UTY: variants seen among roughly 807,000 people sequenced by gnomAD.
The protein encoded by UTY is ubiquitously transcribed tetratricopeptide repeat containing, Y-linked.
Under a neutral mutation model 32.5 loss-of-function variants are expected in UTY, and 12 were observed. The ratio of observed to expected loss-of-function variants is 0.37; its 90% CI spans 0.24 to 0.60. The LOEUF is 0.60. Ranked by LOEUF, UTY falls within the 20% of genes least tolerant of loss-of-function variation. The pLI is 0.69. For missense variants in UTY, 303 were observed against 299.2 expected (o/e 1.01, Z -0.09); for synonymous variants, 131 against 103.4 (o/e 1.27, Z -1.62).
At chrY:13,281,320 A>G in intron 27 of UTY, among the ~76,000 whole-genome samples, 1 of 34,010 alleles carries the variant, frequency 2.9e-5, no homozygotes, top group Admixed American at 2.7e-4. Flanking sequence ...TGTCATCAGT[A>G]TCACCAGAGA....
In UTY at chrY:13,356,022, G is replaced by A; in HGVS notation, c.1570-4C>T. On this transcript the variant is annotated splice_polypyrimidine_tract_variant and splice_region_variant and intron_variant, in intron 15 of 29. Transcript: ENST00000545955. ...TTGCTCGCAGTTGTTCCAAGTGCTAGAAGAAAAGAGATTAATATAATCAAA... is the reference window on the plus strand; with the variant it reads ...TTGCTCGCAGTTGTTCCAAGTGCTAAAAGAAAAGAGATTAATATAATCAAA... 2.7e-6 allele frequency: 1 copy of A among 365,344 alleles called. No individual in the cohort carries two copies. The highest frequency in any genetic ancestry group is 3.8e-6 in the Non-Finnish European group (1 of 262,746). The allele number at this position is 365,344 out of a possible 400,897, so 91.1% of individuals were successfully genotyped here.
At chrY:13,399,333 C>T (rs924317397) in intron 6 of UTY, among the ~76,000 whole-genome samples, 1 of 33,550 alleles carries the variant, frequency 3.0e-5, no homozygotes, top group Admixed American at 2.7e-4. Context: ...ATAAGATATG[C>T]AGACTTCTAC....
chrY:13,426,333 T>C, intron 4 of UTY, among the ~76,000 whole-genome samples: 1 of 32,285 alleles, frequency 3.1e-5, no homozygotes, highest in South Asian at 6.8e-4. Context: ...GGTGCAAAAA[T>C]AGAGGGCTTA....
Position 13,355,363 on chromosome Y carries a change from A to T in UTY, c.1701T>A (p.Thr567=). The T allele has an allele frequency of 2.5e-6, 1 of 396,768 alleles. No homozygotes were observed. Among genetic ancestry groups the T allele is most frequent in the African/African-American group, 6.4e-5 (1 of 15,644 alleles). The change falls in exon 17 of 30, where the codon ACT becomes ACA. Residue 567 remains threonine, a synonymous_variant. Transcript: ENST00000545955. ...RHKEVAQVRT[T]GIHNGAITDS... is the part of the protein sequence containing the mutation. Reference sequence around the variant, plus strand: ...CAGTTATGGCCCCGTTATGAATTCCAGTAGTTCGTACCTGAGCAACTTCTT... The same window carrying T: ...CAGTTATGGCCCCGTTATGAATTCCTGTAGTTCGTACCTGAGCAACTTCTT...
At chrY:13,386,946 C>T (rs2066896680) in intron 8 of UTY, among the ~76,000 whole-genome samples, 2 of 33,410 alleles carry the variant, frequency 6.0e-5, no homozygotes, top group Non-Finnish European at 1.5e-4. Flanking sequence ...TTGCAGTGAG[C>T]TAAGACTGCG....
At chrY:13,295,641 A>G in intron 27 of UTY, among the ~76,000 whole-genome samples, 1 of 34,029 alleles carries the variant, frequency 2.9e-5, no homozygotes, top group Non-Finnish European at 7.3e-5. Context: ...GTGAACTTGC[A>G]AAATAAAAAA....
chrY:13,359,719 T>C (rs1157299374), intron 12 of UTY, 48 bp downstream of exon 12: 1 of 322,231 alleles, frequency 3.1e-6, no homozygotes, highest in East Asian at 1.0e-4. Flanking sequence ...CTGCCAATTA[T>C]TATAGGAATA....
intron 27 of UTY, among the ~76,000 whole-genome samples, chrY:13,289,166 T>G (rs2148663903): frequency 6.0e-5 from 2 of 33,574 alleles, no homozygotes; most frequent in South Asian, 1.4e-3. Context: ...TATAAATCAC[T>G]ATCAATCTAT....
chrY:13,336,894 G>A (rs2061132875), intron 17 of UTY, among the ~76,000 whole-genome samples: 1 of 33,191 alleles, frequency 3.0e-5, no homozygotes, highest in Non-Finnish European at 7.5e-5. Context: ...AATTTCCTAT[G>A]GGCCAAGTTA....
At chrY:13,458,908 T>C in intron 3 of UTY, among the ~76,000 whole-genome samples, 1 of 32,148 alleles carries the variant, frequency 3.1e-5, no homozygotes, top group Non-Finnish European at 7.5e-5. Flanking sequence ...CAGCAAACTA[T>C]CGCAAGGACA....
At chrY:13,237,311 G>A (rs2053860284) in intron 28 of UTY, among the ~76,000 whole-genome samples, 2 of 33,742 alleles carry the variant, frequency 5.9e-5, no homozygotes, top group African/African-American at 1.2e-4. Context: ...GGCCGACTAG[G>A]GGCATTTGCT....
At chrY:13,448,382 T>C in intron 4 of UTY, among the ~76,000 whole-genome samples, 4 of 33,457 alleles carry the variant, frequency 1.2e-4, no homozygotes, top group Admixed American at 1.1e-3. Flanking sequence ...GTTTTCTTAT[T>C]CTTTTGAGTT....
chrY:13,424,098 G>C, intron 4 of UTY, among the ~76,000 whole-genome samples: 1 of 33,598 alleles, frequency 3.0e-5, no homozygotes, highest in Non-Finnish European at 7.4e-5. Flanking sequence ...ACACAAGAAG[G>C]CCTGCTTTAA....
At chrY:13,287,311 C>T in intron 27 of UTY, 1 of 384,451 alleles carries the variant, frequency 2.6e-6, no homozygotes, top group African/African-American at 6.5e-5. Flanking sequence ...GTTGAAAATC[C>T]TAAATTCAGG....
At chrY:13,414,524 C>G (rs1014217349) in intron 5 of UTY, among the ~76,000 whole-genome samples, 3 of 33,804 alleles carry the variant, frequency 8.9e-5, no homozygotes, top group Admixed American at 2.7e-4. Context: ...TAATTATCTT[C>G]CTTCGGACTG....
chrY:13,362,573 C>A, intron 10 of UTY, among the ~76,000 whole-genome samples: 1 of 34,145 alleles, frequency 2.9e-5, no homozygotes. Flanking sequence ...GTTTTACTAA[C>A]ACCCAATGTC....
intron 28 of UTY, among the ~76,000 whole-genome samples, chrY:13,255,038 A>G (rs2054584579): frequency 3.0e-5 from 1 of 33,334 alleles, no homozygotes; most frequent in Non-Finnish European, 7.4e-5. Context: ...TCTATACAGC[A>G]CTGGCCATCC....
intron 8 of UTY, among the ~76,000 whole-genome samples, chrY:13,377,602 C>T (rs2065534862): frequency 3.0e-5 from 1 of 32,965 alleles, no homozygotes; most frequent in African/African-American, 1.2e-4. Context: ...ATCTCAGCTA[C>T]TCAGGAGGCT....
intron 8 of UTY, among the ~76,000 whole-genome samples, chrY:13,373,548 T>C (rs2065131575): frequency 3.1e-5 from 1 of 32,745 alleles, no homozygotes; most frequent in Non-Finnish European, 7.5e-5. Context: ...AGGCCAGGAG[T>C]TTGAGGCCTG....
Sources: allele counts gnomAD v4.1 joint callset (sites outside exome capture counted in the v4.1 genomes callset), GRCh38; gene constraint gnomAD v4.1.1; transcripts MANE v1.5; gene names NCBI Gene and HGNC (gene_info 2026-07-23, HGNC 2026-07-21).